IMPG1: variants seen among roughly 807,000 people sequenced by gnomAD.
The protein encoded by IMPG1 is interphotoreceptor matrix proteoglycan 1.
Under a neutral mutation model 92.0 loss-of-function variants are expected in IMPG1, and 85 were observed. That is an observed-to-expected ratio of 0.92 (90% confidence interval 0.78 to 1.11). The LOEUF (loss-of-function observed/expected upper bound fraction) is 1.11, where lower values mean the gene tolerates loss of function less well. IMPG1 is among the 50% of genes least tolerant of loss of function. The pLI is 0.00. For synonymous variants in IMPG1, 367 were observed against 334.1 expected, an observed-to-expected ratio of 1.10 and a Z score of -1.08; for missense variants, 1,022 against 956.0, an observed-to-expected ratio of 1.07 and a Z score of -0.91.
intron 12 of IMPG1, among the ~76,000 whole-genome samples, chr6:75,995,101 TC>T (rs1236567020): frequency 6.6e-6 from 1 of 152,214 alleles, no homozygotes; most frequent in East Asian, 1.9e-4. Flanking sequence ...TCTTGCTGAA[TC>T]CATTCATGGA....
intron 1 of IMPG1, among the ~76,000 whole-genome samples, chr6:76,059,508 T>C (rs966853759): frequency 6.6e-6 from 1 of 152,104 alleles, no homozygotes; most frequent in African/African-American, 2.4e-5. Context: ...TGAAAACAGA[T>C]GTTAGAAATG....
intron 1 of IMPG1, among the ~76,000 whole-genome samples, chr6:76,059,679 A>G (rs1784173054): frequency 6.6e-6 from 1 of 152,184 alleles, no homozygotes; most frequent in Non-Finnish European, 1.5e-5. Flanking sequence ...TCACATCCCA[A>G]CTTTGGTTCT....
chr6:76,067,668 A>G (rs979195798), intron 1 of IMPG1, among the ~76,000 whole-genome samples: 1 of 152,168 alleles, frequency 6.6e-6, no homozygotes, highest in African/African-American at 2.4e-5. Flanking sequence ...GGAGGAGGGA[A>G]TCCTTCTTAG....
chr6:76,050,941 C>G (rs1784033138), intron 1 of IMPG1, among the ~76,000 whole-genome samples: 1 of 152,118 alleles, frequency 6.6e-6, no homozygotes, highest in Non-Finnish European at 1.5e-5. Context: ...TTAGCAAACC[C>G]ATTATGTCTT....
chr6:76,007,048 T>A (rs1226782213), intron 9 of IMPG1, among the ~76,000 whole-genome samples: 1 of 152,228 alleles, frequency 6.6e-6, no homozygotes, highest in South Asian at 2.1e-4. Flanking sequence ...TGGGCCCTTT[T>A]CTCAGTTCAC....
chr6:76,021,530 C>T (rs1783424140), intron 6 of IMPG1, among the ~76,000 whole-genome samples: 1 of 151,996 alleles, frequency 6.6e-6, no homozygotes, highest in Admixed American at 6.6e-5. Flanking sequence ...CTGTAACCAT[C>T]CTCTCATCCC....
chr6:76,001,618 C>A (rs1172426906), intron 12 of IMPG1, among the ~76,000 whole-genome samples: 2 of 152,104 alleles, frequency 1.3e-5, no homozygotes, highest in Non-Finnish European at 2.9e-5. Flanking sequence ...GAAATGAGGC[C>A]CCCAGCCAAC....
chr6:76,005,631 C>G (rs1178435037), intron 9 of IMPG1, 97 bp from the exon 10 acceptor site: 2 of 1,242,904 alleles, frequency 1.6e-6, no homozygotes, highest in South Asian at 2.8e-5. Flanking sequence ...GGATAGCTTC[C>G]ACCTCTTTCC....
rs761616758 is a variant in IMPG1 at position 75,947,422 on chromosome 6, G to C, written c.1936C>G (p.Pro646Ala). 9 of 1,613,668 alleles carry C rather than the reference G, an allele frequency of 5.6e-6. No individual in the cohort carries two copies. The highest frequency in any genetic ancestry group is 7.6e-6 in the Non-Finnish European group (9 of 1,179,718). The change falls in exon 14 of 17, where the codon CCG becomes GCG. Residue 646 changes from proline to alanine, a missense_variant. Physicochemically the swap from Pro to Ala is conservative, Grantham distance 27. Transcript: ENST00000369950. ...NSKMKFAKSV[P>A]YNLTKAVHGV... ...TGCACAGCCTTGGTGAGGTTATACG[G>C]CACTGACTTAGCAAACTTCATTTTG...
chr6:76,004,357 C>T (rs1435145144), intron 10 of IMPG1, among the ~76,000 whole-genome samples: 4 of 152,146 alleles, frequency 2.6e-5, no homozygotes, highest in African/African-American at 4.8e-5. Context: ...GCCTGATTCT[C>T]AGAATGACAC....
At chr6:75,923,246 C>G (rs1781459374) in intron 16 of IMPG1, among the ~76,000 whole-genome samples, 1 of 151,856 alleles carries the variant, frequency 6.6e-6, no homozygotes, top group Non-Finnish European at 1.5e-5. Flanking sequence ...TTCATATTTT[C>G]TACATATTTT....
chr6:75,923,496 C>T, intron 16 of IMPG1, 138 bp downstream of exon 16: 1 of 612,536 alleles, frequency 1.6e-6, no homozygotes, highest in Non-Finnish European at 2.9e-6. Flanking sequence ...TAGAAAATGT[C>T]ACCCCCTTAA....
chr6:76,036,222 A>G (rs75913199), intron 2 of IMPG1, among the ~76,000 whole-genome samples: 2 of 152,242 alleles, frequency 1.3e-5, no homozygotes, highest in African/African-American at 4.8e-5. Flanking sequence ...GTCTCATTTT[A>G]GCAATGCACA....
At chr6:76,059,075 C>A (rs1784164272) in intron 1 of IMPG1, among the ~76,000 whole-genome samples, 1 of 152,030 alleles carries the variant, frequency 6.6e-6, no homozygotes, top group Non-Finnish European at 1.5e-5. Flanking sequence ...ATAACAGGAT[C>A]AGATCCAATA....
rs115862089 is a variant in IMPG1 at position 76,039,292 on chromosome 6, C to T, written c.301+2601G>A. On this transcript the variant is annotated intron_variant, in intron 2 of 16. Coordinates refer to ENST00000369950, the MANE Select transcript of IMPG1 (RefSeq NM_001563.4). ...TGCAGACAACATGGAGTAGAAAGAA[C>T]TAGGACCCTATCCATCTTTAACCTT... Among the ~76,000 whole-genome samples the T allele has an allele frequency of 2.0e-3, 304 of 151,730 alleles. 1 individual carries two copies. The highest frequency in any genetic ancestry group is 6.6e-3 in the African/African-American group (272 of 41,344).
At chr6:76,011,916 CT>C (rs1202411006) in intron 7 of IMPG1, among the ~76,000 whole-genome samples, 7 of 151,938 alleles carry the variant, frequency 4.6e-5, no homozygotes, top group Non-Finnish European at 7.4e-5. Context: ...GACATGAAAA[CT>C]TTTTTGTCTA....
At chr6:75,949,814 TTTTAA>T (rs1781993404) in intron 13 of IMPG1, among the ~76,000 whole-genome samples, 1 of 152,172 alleles carries the variant, frequency 6.6e-6, no homozygotes, top group Admixed American at 6.5e-5. Context: ...TTCATGTGGA[TTTTAA>T]TTTGTGTAAT....
At chr6:75,936,388 T>C (rs1781746391) in intron 14 of IMPG1, among the ~76,000 whole-genome samples, 1 of 152,246 alleles carries the variant, frequency 6.6e-6, no homozygotes, top group Non-Finnish European at 1.5e-5. Context: ...TCGCTTATTT[T>C]ATTGTTATAA....
chr6:75,929,418 A>G (rs1254918140), intron 15 of IMPG1, among the ~76,000 whole-genome samples: 1 of 151,912 alleles, frequency 6.6e-6, no homozygotes, highest in Non-Finnish European at 1.5e-5. Context: ...TTTTAATATT[A>G]GGATGTTTGT....
Sources: gnomAD v4.1 joint callset for allele counts (sites outside exome capture counted in the v4.1 genomes callset) on GRCh38, gnomAD v4.1.1 for gene constraint, MANE v1.5 for transcripts, NCBI Gene and HGNC (gene_info 2026-07-23, HGNC 2026-07-21) for gene names.